COL25A1: variants seen among roughly 807,000 people sequenced by gnomAD.
COL25A1 encodes the protein collagen type XXV alpha 1 chain, also known as collagen alpha-1(XXV) chain.
Under a neutral mutation model 128.4 loss-of-function variants are expected in COL25A1, and 103 were observed. The ratio of observed to expected loss-of-function variants is 0.80; its 90% CI spans 0.68 to 0.94. The LOEUF (loss-of-function observed/expected upper bound fraction) is 0.94, where lower values mean the gene tolerates loss of function less well. COL25A1 is among the 40% of genes least tolerant of loss of function. The pLI is 0.00. For missense variants in COL25A1, 745 were observed against 840.0 expected, an observed-to-expected ratio of 0.89 and a Z score of 1.40; for synonymous variants, 279 against 277.2, an observed-to-expected ratio of 1.01 and a Z score of -0.06.
chr4:109,070,066 C>T (rs575126120), intron 3 of COL25A1, among the ~76,000 whole-genome samples: 1 of 150,280 alleles, frequency 6.7e-6, no homozygotes, highest in South Asian at 2.1e-4. Context: ...ACCAGCCTGG[C>T]CAACAAGGTG....
rs1383634280 is a variant in COL25A1, at chr4:109,019,367, CACACACACATATATATATATAT to C, written c.421-9014_421-8993del. ...ACACACATACACACACACACACACA[CACACACACATATATATATATAT>C]ATATATATATTTATATGTGTATCCT... On this transcript the variant is annotated intron_variant, in intron 5 of 37. Transcript: ENST00000399132. 3.5e-3 allele frequency among the ~76,000 whole-genome samples: 387 copies of C among 110,754 alleles called. 6 individuals are homozygous for C. Among genetic ancestry groups the C allele is most frequent in the Non-Finnish European group, 6.3e-3 (276 of 43,716 alleles). The allele number at this position is 110,754 out of a possible 152,430, so 72.7% of individuals were successfully genotyped here. A position where few individuals can be genotyped will look rare whatever the true frequency, so the allele number is the denominator to read the frequency against.
chr4:109,149,210 A>G (rs1260970450), intron 3 of COL25A1, among the ~76,000 whole-genome samples: 4 of 152,232 alleles, frequency 2.6e-5, no homozygotes, highest in Non-Finnish European at 2.9e-5. Context: ...TCACTTTGCA[A>G]TGAATTTGCG....
chr4:109,125,154 G>A (rs1019506511), intron 3 of COL25A1, among the ~76,000 whole-genome samples: 18 of 152,114 alleles, frequency 1.2e-4, no homozygotes, highest in Non-Finnish European at 2.5e-4. Context: ...TCAAAGGGAT[G>A]TATAAAGTTA....
intron 3 of COL25A1, among the ~76,000 whole-genome samples, chr4:109,294,584 TA>T (rs1445784071): frequency 6.6e-6 from 1 of 152,018 alleles, no homozygotes; most frequent in Non-Finnish European, 1.5e-5. Context: ...ACTTCACCCA[TA>T]TTGGCAAACC....
chr4:108,932,699 G>A lies in COL25A1; in HGVS notation c.708+5109C>T, dbSNP rs977384044. ...AATTTGGTATATTTTTTTCAATACC[G>A]TCTATCTTTCATGCTTTTGAAAATT... On this transcript the variant is annotated intron_variant, in intron 11 of 37. Transcript: ENST00000399132. Among the ~76,000 whole-genome samples the A allele has an allele frequency of 7.2e-5, 11 of 152,010 alleles. No homozygotes were observed. In the East Asian group the frequency reaches 9.6e-4, roughly 13 times the overall value.
At chr4:109,277,842 T>C (rs1406011458) in intron 3 of COL25A1, among the ~76,000 whole-genome samples, 1 of 152,112 alleles carries the variant, frequency 6.6e-6, no homozygotes, top group African/African-American at 2.4e-5. Flanking sequence ...GCAAACAAAA[T>C]GTGCTATTAT....
At chr4:109,241,185 T>C (rs1300679534) in intron 3 of COL25A1, among the ~76,000 whole-genome samples, 1 of 152,046 alleles carries the variant, frequency 6.6e-6, no homozygotes, top group African/African-American at 2.4e-5. Flanking sequence ...CCTTTTTTAA[T>C]CTATAAATGC....
chr4:109,241,018 T>C (rs1461128968), intron 3 of COL25A1, among the ~76,000 whole-genome samples: 2 of 152,080 alleles, frequency 1.3e-5, no homozygotes, highest in Non-Finnish European at 1.5e-5. Flanking sequence ...AGATTAATTC[T>C]TCCAGAACAC....
At chr4:108,836,351 C>T (rs1025349938) in intron 31 of COL25A1, among the ~76,000 whole-genome samples, 3 of 152,094 alleles carry the variant, frequency 2.0e-5, no homozygotes, top group African/African-American at 7.2e-5. Context: ...AATAGAAAAT[C>T]CAAACTTTCT....
Position 108,879,425 on chromosome 4 carries a change from A to C in COL25A1, c.1020+4753T>G, listed in dbSNP as rs147859535. On this transcript the variant is annotated intron_variant, in intron 19 of 37. Transcript: ENST00000399132. Reference sequence around the variant, plus strand: ...ATTTGCTTTCTGAATATGGTGAAATAAACTGATGGTATATGGGTTTTTTTT... The same window carrying C: ...ATTTGCTTTCTGAATATGGTGAAATCAACTGATGGTATATGGGTTTTTTTT... Among the ~76,000 whole-genome samples, 193 of 152,156 alleles carry C rather than the reference A, an allele frequency of 1.3e-3. 1 individual carries two copies. The Middle Eastern group carries it at 0.02, about 16-fold the overall frequency.
At chr4:109,052,580 G>A (rs924325179) in intron 3 of COL25A1, among the ~76,000 whole-genome samples, 1 of 152,078 alleles carries the variant, frequency 6.6e-6, no homozygotes, top group South Asian at 2.1e-4. Context: ...AAAACTGCAG[G>A]GAGCATTATA....
intron 16 of COL25A1, among the ~76,000 whole-genome samples, chr4:108,892,867 G>A (rs189006981): frequency 3.9e-4 from 59 of 152,218 alleles, no homozygotes; most frequent in South Asian, 8.3e-4. Flanking sequence ...AGTTTACAGC[G>A]GACTGAAGAA....
chr4:108,948,717 G>A (rs1025257872), intron 8 of COL25A1, among the ~76,000 whole-genome samples: 8 of 151,910 alleles, frequency 5.3e-5, no homozygotes, highest in African/African-American at 1.5e-4. Flanking sequence ...TTTATATGTC[G>A]ATGATAAGTG....
At chr4:109,208,460 C>T (rs1395409209) in intron 3 of COL25A1, among the ~76,000 whole-genome samples, 4 of 144,926 alleles carry the variant, frequency 2.8e-5, no homozygotes, top group Non-Finnish European at 6.0e-5. Context: ...CATTTTTTTT[C>T]CAAGAAAGAA....
At chr4:109,149,222 T>C (rs1000157638) in intron 3 of COL25A1, among the ~76,000 whole-genome samples, 7 of 152,226 alleles carry the variant, frequency 4.6e-5, no homozygotes, top group Non-Finnish European at 1.0e-4. Context: ...GAATTTGCGA[T>C]TGCCAATGGA....
At chr4:109,269,262 G>A (rs9760842) in intron 3 of COL25A1, among the ~76,000 whole-genome samples, 32,979 of 149,942 alleles carry the variant, frequency 0.22, 4,186 homozygotes, top group Middle Eastern at 0.3. Context: ...GGACATGAAC[G>A]CATTATTTTT....
intron 11 of COL25A1, among the ~76,000 whole-genome samples, chr4:108,929,650 T>C (rs1341867619): frequency 5.9e-5 from 9 of 151,986 alleles, no homozygotes. Context: ...ACAGCAAGCC[T>C]CCATCTCCAT....
chr4:109,110,988 C>A (rs1197568771), intron 3 of COL25A1, among the ~76,000 whole-genome samples: 4 of 152,148 alleles, frequency 2.6e-5, no homozygotes, highest in Non-Finnish European at 5.9e-5. Flanking sequence ...TCAAAGCTGA[C>A]AACATTTACC....
intron 3 of COL25A1, among the ~76,000 whole-genome samples, chr4:109,086,730 T>C (rs1764419596): frequency 6.6e-6 from 1 of 152,164 alleles, no homozygotes; most frequent in Non-Finnish European, 1.5e-5. Flanking sequence ...CACCCACGCC[T>C]GGCTATTCAA....
Sources: allele counts gnomAD v4.1 joint callset (sites outside exome capture counted in the v4.1 genomes callset), GRCh38; gene constraint gnomAD v4.1.1; transcripts MANE v1.5; gene names NCBI Gene and HGNC (gene_info 2026-07-23, HGNC 2026-07-21).